Variants in CREB3L2 observed in about 807,000 individuals in gnomAD.
CREB3L2 encodes cAMP responsive element binding protein 3 like 2.
A neutral mutation model predicts 57.2 loss-of-function variants in CREB3L2; 23 were observed. The ratio of observed to expected loss-of-function variants is 0.40; its 90% CI spans 0.29 to 0.57. CREB3L2 has a LOEUF of 0.57. Ranked by LOEUF, CREB3L2 falls within the 20% of genes least tolerant of loss-of-function variation. The pLI is 0.42. For synonymous variants in CREB3L2, 268 were observed against 265.1 expected, an observed-to-expected ratio of 1.01 and a Z score of -0.11; for missense variants, 628 against 634.7, an observed-to-expected ratio of 0.99 and a Z score of 0.11.
intron 1 of CREB3L2, among the ~76,000 whole-genome samples, chr7:137,979,526 C>A (rs932423474): frequency 2.6e-4 from 39 of 152,050 alleles, no homozygotes; most frequent in Non-Finnish European, 4.6e-4. Context: ...GAGATCGAGA[C>A]CATCCTGGCT....
chr7:137,906,874 G>A (rs1799900763), intron 5 of CREB3L2, among the ~76,000 whole-genome samples: 1 of 152,188 alleles, frequency 6.6e-6, no homozygotes, highest in South Asian at 2.1e-4. Flanking sequence ...CACCATGATT[G>A]TGAGGTTTCC....
chr7:137,890,123 T>C (rs767398462), intron 8 of CREB3L2, among the ~76,000 whole-genome samples: 3 of 152,146 alleles, frequency 2.0e-5, no homozygotes, highest in African/African-American at 4.8e-5. Flanking sequence ...AATATTACTA[T>C]TAAAAGAGAC....
chr7:137,946,442 C>A lies in CREB3L2; in HGVS notation c.103-18076G>T, dbSNP rs868118208. ...ACAAATGCAGAAAAAAAAAAAAAAA[C>A]AACCCTGAATTCTGTCTACAACCAT... On this transcript the variant is annotated intron_variant, in intron 1 of 11. Coordinates refer to ENST00000330387, the MANE Select transcript of CREB3L2 (RefSeq NM_194071.4). Among the ~76,000 whole-genome samples the A allele has an allele frequency of 2.0e-3, 285 of 139,442 alleles. 1 individual carries two copies. The highest frequency in any genetic ancestry group is 6.4e-3 in the African/African-American group (233 of 36,552). 91.5% of individuals were successfully genotyped at this position (139,442 alleles called of 152,430 possible).
At chr7:137,897,534 T>A (rs1799653395) in intron 8 of CREB3L2, among the ~76,000 whole-genome samples, 1 of 152,146 alleles carries the variant, frequency 6.6e-6, no homozygotes, top group Admixed American at 6.5e-5. Flanking sequence ...TACGCCCAGA[T>A]AATTTGTGTA....
intron 2 of CREB3L2, among the ~76,000 whole-genome samples, chr7:137,925,799 G>A (rs1194577414): frequency 6.6e-6 from 1 of 152,180 alleles, no homozygotes; most frequent in African/African-American, 2.4e-5. Context: ...GTAGTATCCC[G>A]TGTTTGTTGT....
chr7:137,913,112 A>G, intron 3 of CREB3L2, 34 bp from the exon 4 acceptor site: 1 of 1,603,950 alleles, frequency 6.2e-7, no homozygotes, highest in Non-Finnish European at 8.5e-7. Flanking sequence ...ATTTTTAAAA[A>G]CCAATCACAG....
At chr7:137,910,368 T>C (rs948655557) in intron 4 of CREB3L2, among the ~76,000 whole-genome samples, 1 of 152,140 alleles carries the variant, frequency 6.6e-6, no homozygotes, top group Non-Finnish European at 1.5e-5. Flanking sequence ...CTGGGCTTTT[T>C]AGTCTCTGTG....
In CREB3L2 at chr7:138,001,146, A is replaced by T. The variant is rs183041792; in HGVS notation, c.102+458T>A. ...ACACACGTGTACTTTTTAAAATATA[A>T]ATATGAAAGAAGAGGAAGGGAGGGA... On this transcript the variant is annotated intron_variant, in intron 1 of 11. Coordinates refer to ENST00000330387, the MANE Select transcript of CREB3L2 (RefSeq NM_194071.4). The surrounding 1 kb of genome is among the most constrained non-coding windows in gnomAD (Gnocchi z 4.2). Among the ~76,000 whole-genome samples the T allele has an allele frequency of 0.011, 1,703 of 150,894 alleles. 14 individuals are homozygous for T. The highest frequency in any genetic ancestry group is 0.019 in the Non-Finnish European group (1,308 of 67,634).
chr7:137,957,912 TA>T, intron 1 of CREB3L2: 2 of 515,902 alleles, frequency 3.9e-6, no homozygotes, highest in South Asian at 3.4e-5. Context: ...CCCAAGGGAA[TA>T]ATGGCTACAA....
intron 4 of CREB3L2, among the ~76,000 whole-genome samples, chr7:137,909,129 G>A (rs539356791): frequency 1.9e-3 from 285 of 152,296 alleles, no homozygotes; most frequent in Non-Finnish European, 3.3e-3. Context: ...TTTGAAAAAA[G>A]CCGGTTTGTT....
intron 8 of CREB3L2, among the ~76,000 whole-genome samples, chr7:137,894,565 T>C (rs1799586090): frequency 6.6e-6 from 1 of 152,140 alleles, no homozygotes; most frequent in Non-Finnish European, 1.5e-5. Context: ...GAGAACAGAT[T>C]TGGGGTAGAA....
chr7:137,986,360 G>A lies in CREB3L2; in HGVS notation c.102+15244C>T, dbSNP rs995940822. 5.3e-5 allele frequency among the ~76,000 whole-genome samples: 8 copies of A among 152,202 alleles called. 1 individual carries two copies. The South Asian group carries it at 8.3e-4, about 16-fold the overall frequency. ...ATCAGGGCTTCCCAACAGGTATGCC[G>A]GGGAGTGCCCCAGCTCCATGGGACT... is the stretch of plus-strand genomic sequence containing the variant. On this transcript the variant is annotated intron_variant, in intron 1 of 11. Transcript: ENST00000330387.
rs1323074600 is a variant in CREB3L2 at position 138,001,560 on chromosome 7, T to G, written c.102+44A>C. 1 of 1,469,062 alleles carries G rather than the reference T, an allele frequency of 6.8e-7. No homozygotes were observed. The highest frequency in any genetic ancestry group is 9.4e-7 in the Non-Finnish European group (1 of 1,064,046). The allele number at this position is 1,469,062 out of a possible 1,614,324, so 91.0% of individuals were successfully genotyped here. On this transcript the variant is annotated intron_variant, in intron 1 of 11. Coordinates refer to ENST00000330387, the MANE Select transcript of CREB3L2 (RefSeq NM_194071.4). This position sits in a 1 kb window ranked among gnomAD's most constrained non-coding sequence, Gnocchi z 4.2. ...CAGCTGCTCCTCGCGTGACAACACT[T>G]GCCCGCTTTGAAAGCCCTCCTGCCC...
rs1354373499 is a variant in CREB3L2, at chr7:137,946,893, T to A, written c.103-18527A>T. On this transcript the variant is annotated intron_variant, in intron 1 of 11. Transcript: ENST00000330387. ...ATATATAGTTATCTATATAGTTATA[T>A]ATATAGTTATATATATAGTTATATA... Among the ~76,000 whole-genome samples the A allele has an allele frequency of 3.8e-5, 2 of 52,786 alleles. 1 individual carries two copies. The highest frequency in any genetic ancestry group is 6.5e-5 in the Non-Finnish European group (2 of 30,642). The allele number at this position is 52,786 out of a possible 152,430, so 34.6% of individuals were successfully genotyped here. A position where few individuals can be genotyped will look rare whatever the true frequency, so the allele number is the denominator to read the frequency against.
chr7:137,912,747 A>G, intron 4 of CREB3L2: 1 of 1,122,956 alleles, frequency 8.9e-7, no homozygotes, highest in East Asian at 2.6e-5. Flanking sequence ...CACCCTGGTT[A>G]GAAGTAAAAG....
chr7:137,880,363 C>T lies in CREB3L2; in HGVS notation c.*113G>A, dbSNP rs1799268333. 1.2e-6 allele frequency: 1 copy of T among 852,134 alleles called. No individual in the cohort carries two copies. Among genetic ancestry groups the T allele is most frequent in the South Asian group, 1.5e-5 (1 of 66,452 alleles). The allele number at this position is 852,134 out of a possible 1,614,324, so 52.8% of individuals were successfully genotyped here. On this transcript the variant is annotated 3_prime_UTR_variant, in exon 12 of 12. Coordinates refer to ENST00000330387, the MANE Select transcript of CREB3L2 (RefSeq NM_194071.4). The surrounding 1 kb of genome is among the most constrained non-coding windows in gnomAD (Gnocchi z 4.0). Reference sequence around the variant, plus strand: ...GGTCTCCAATCTGAAGCCACTAATGCTTGCCCATGTCTCCATGAAGATCCA... The same window carrying T: ...GGTCTCCAATCTGAAGCCACTAATGTTTGCCCATGTCTCCATGAAGATCCA...
chr7:137,989,222 G>A (rs1801843650), intron 1 of CREB3L2, among the ~76,000 whole-genome samples: 1 of 152,140 alleles, frequency 6.6e-6, no homozygotes, highest in Non-Finnish European at 1.5e-5. Context: ...CTTCCCAGCA[G>A]AATGCCACAT....
intron 1 of CREB3L2, among the ~76,000 whole-genome samples, chr7:137,977,331 G>A (rs555045570): frequency 7.9e-5 from 12 of 152,160 alleles, no homozygotes; most frequent in East Asian, 3.8e-4. Context: ...GCATCTCCAC[G>A]TCTGTCCTCT....
chr7:137,912,700 G>A (rs1229775860), intron 4 of CREB3L2: 2 of 719,836 alleles, frequency 2.8e-6, no homozygotes, highest in African/African-American at 1.8e-5. Context: ...GTTCGATAGT[G>A]TTTGTAGTAG....
Sources: allele counts gnomAD v4.1 joint callset (sites outside exome capture counted in the v4.1 genomes callset), GRCh38; gene constraint gnomAD v4.1.1; non-coding constraint Gnocchi (gnomAD v3.1); transcripts MANE v1.5; gene names NCBI Gene and HGNC (gene_info 2026-07-23, HGNC 2026-07-21).